The following PCDH15 variants were observed in gnomAD, a reference collection of about 807,000 sequenced individuals.
PCDH15 encodes the protein protocadherin-15.
Under a neutral mutation model 178.5 loss-of-function variants are expected in PCDH15, and 129 were observed. The ratio of observed to expected loss-of-function variants is 0.72; its 90% CI spans 0.63 to 0.84. The LOEUF (loss-of-function observed/expected upper bound fraction) is 0.84. Among genes scored for constraint, PCDH15 ranks in the 40% least tolerant of loss-of-function variants. PCDH15 has a pLI of 0.00. For missense variants in PCDH15, 2,230 were observed against 2,099.9 expected (o/e 1.06, Z -1.21); for synonymous variants, 800 against 732.0 (o/e 1.09, Z -1.50).
rs115149340 is a variant in PCDH15, at chr10:54,703,989, A to G, written c.-28-39699T>C. Among the ~76,000 whole-genome samples, 636 of 152,206 alleles carry G rather than the reference A, an allele frequency of 4.2e-3. 1 individual carries two copies. Among genetic ancestry groups the G allele is most frequent in the African/African-American group, 0.014 (583 of 41,558 alleles). On this transcript the variant is annotated intron_variant, in intron 1 of 37. Transcript: ENST00000644397. ...CCATCTGCTCTTAGACAAAATTGAC[A>G]AACAAGCAATGGTGAAACAATTCAG...
intron 26 of PCDH15, among the ~76,000 whole-genome samples, chr10:53,886,670 C>T (rs2081123795): frequency 7.2e-6 from 1 of 138,468 alleles, no homozygotes; most frequent in Admixed American, 8.1e-5. Flanking sequence ...TAGCTCTGAA[C>T]CAGAATATTG....
intron 2 of PCDH15, among the ~76,000 whole-genome samples, chr10:54,960,290 T>A (rs2131883272): frequency 6.6e-6 from 1 of 152,332 alleles, no homozygotes; most frequent in East Asian, 1.9e-4. Context: ...AATACCAGGC[T>A]GACTTACCTC....
chr10:55,469,452 T>C (rs1295000333), intron 2 of PCDH15, among the ~76,000 whole-genome samples: 2 of 152,148 alleles, frequency 1.3e-5, no homozygotes, highest in Non-Finnish European at 2.9e-5. Context: ...ACATTTCTAA[T>C]TTTTTCTAAA....
chr10:54,899,149 A>G (rs1163301281), intron 2 of PCDH15, among the ~76,000 whole-genome samples: 6 of 152,158 alleles, frequency 3.9e-5, no homozygotes, highest in Non-Finnish European at 8.8e-5. Context: ...CACTTGCTGG[A>G]CGTAGAGTAT....
chr10:55,362,358 C>T (rs1405752011), intron 2 of PCDH15, among the ~76,000 whole-genome samples: 1 of 152,050 alleles, frequency 6.6e-6, no homozygotes, highest in Non-Finnish European at 1.5e-5. Flanking sequence ...TCTTGGAATA[C>T]AGTGCTAAGC....
chr10:54,998,498 T>TA (rs1000951950), intron 2 of PCDH15, among the ~76,000 whole-genome samples: 13 of 151,428 alleles, frequency 8.6e-5, no homozygotes, highest in South Asian at 2.1e-4. Flanking sequence ...TCATCACAAT[T>TA]AAAAAAAAAT....
intron 26 of PCDH15, among the ~76,000 whole-genome samples, chr10:53,871,484 A>G: frequency 1.5e-5 from 1 of 67,716 alleles, no homozygotes; most frequent in East Asian, 1.0e-3. Flanking sequence ...GTGTGTGTAT[A>G]TACACAAAAA....
At chr10:55,160,658 C>T (rs1330946229) in intron 2 of PCDH15, among the ~76,000 whole-genome samples, 1 of 151,982 alleles carries the variant, frequency 6.6e-6, no homozygotes, top group Non-Finnish European at 1.5e-5. Context: ...AAGTATATGG[C>T]ACCTTATAAG....
intron 2 of PCDH15, among the ~76,000 whole-genome samples, chr10:54,638,826 A>G (rs988073727): frequency 6.6e-6 from 1 of 152,180 alleles, no homozygotes; most frequent in South Asian, 2.1e-4. Flanking sequence ...AAAACATGGT[A>G]TATAGACACC....
chr10:55,321,404 A>C (rs1326449887), upstream of PCDH15, among the ~76,000 whole-genome samples: 1 of 152,186 alleles, frequency 6.6e-6, no homozygotes, highest in Non-Finnish European at 1.5e-5. Flanking sequence ...AGAGAAAGCA[A>C]GCAACTTGAA....
At chr10:54,517,295 T>G (rs910344699) in intron 3 of PCDH15, among the ~76,000 whole-genome samples, 2 of 152,146 alleles carry the variant, frequency 1.3e-5, no homozygotes, top group Admixed American at 6.5e-5. Flanking sequence ...GACCCATCAG[T>G]GTGCTATATT....
intron 18 of PCDH15, among the ~76,000 whole-genome samples, chr10:54,031,051 G>A (rs972261782): frequency 6.6e-6 from 1 of 151,970 alleles, no homozygotes; most frequent in African/African-American, 2.4e-5. Context: ...TCTGCTTGGA[G>A]GTCAACGTAT....
chr10:54,724,543 A>G (rs1033685993), intron 1 of PCDH15, among the ~76,000 whole-genome samples: 4 of 151,678 alleles, frequency 2.6e-5, no homozygotes, highest in African/African-American at 9.7e-5. Context: ...ATTAAAATTA[A>G]AAAAAGAAAT....
chr10:55,360,260 T>C (rs937768399), intron 2 of PCDH15, among the ~76,000 whole-genome samples: 1 of 151,946 alleles, frequency 6.6e-6, no homozygotes, highest in South Asian at 2.1e-4. Context: ...AATATAAAAA[T>C]TGTGTGTATA....
intron 2 of PCDH15, among the ~76,000 whole-genome samples, chr10:55,042,663 A>T (rs7081708): frequency 0.83 from 126,077 of 151,636 alleles, 52,971 homozygotes; most frequent in African/African-American, 0.96. Context: ...GGATATATAT[A>T]TTTTTTAAAT....
At chr10:55,404,957 C>T (rs975416216) in intron 2 of PCDH15, among the ~76,000 whole-genome samples, 3 of 151,676 alleles carry the variant, frequency 2.0e-5, no homozygotes, top group Admixed American at 6.6e-5. Flanking sequence ...AGTCTTCTTC[C>T]ACCTAATTAG....
intron 2 of PCDH15, among the ~76,000 whole-genome samples, chr10:55,409,020 T>A (rs1838271669): frequency 6.6e-6 from 1 of 152,122 alleles, no homozygotes; most frequent in African/African-American, 2.4e-5. Context: ...ATCTCTTGAT[T>A]TGTACCACTT....
At position 54,075,212 on chromosome 10, in the gene PCDH15, C is replaced by T. The variant is rs191289500; in HGVS notation, c.2091+4119G>A. On this transcript the variant is annotated intron_variant, in intron 17 of 37. Coordinates refer to ENST00000644397, the MANE Select transcript of PCDH15 (RefSeq NM_001384140.1). ...CTAACACAGTGAAACCCCATCTCTC[C>T]TAAAACTCCAAAAAAATAGCCAGGC... is the stretch of plus-strand genomic sequence containing the variant. Among the ~76,000 whole-genome samples, 389 of 152,026 alleles carry T rather than the reference C, an allele frequency of 2.6e-3. 3 individuals are homozygous for T. The highest frequency in any genetic ancestry group is 9.1e-3 in the African/African-American group (378 of 41,484).
At chr10:55,192,714 T>C (rs1213082464) in intron 1 of PCDH15, among the ~76,000 whole-genome samples, 2 of 150,412 alleles carry the variant, frequency 1.3e-5, no homozygotes, top group African/African-American at 2.4e-5. Context: ...GTTTCATAGA[T>C]GAAAGAATCT....
Sources: allele counts gnomAD v4.1 joint callset (sites outside exome capture counted in the v4.1 genomes callset), GRCh38; gene constraint gnomAD v4.1.1; transcripts MANE v1.5; gene names NCBI Gene and HGNC (gene_info 2026-07-23, HGNC 2026-07-21).